HTRA4: variants seen among roughly 807,000 people sequenced by gnomAD.
HTRA4 encodes the protein HtrA serine peptidase 4, also known as serine protease HTRA4.
In HTRA4, 46 loss-of-function variants were observed where a neutral mutation model predicts 49.1. That is an observed-to-expected ratio of 0.94 (90% confidence interval 0.74 to 1.20). The LOEUF (loss-of-function observed/expected upper bound fraction) is 1.20. Ranked by LOEUF, HTRA4 falls within the 50% of genes most tolerant of loss-of-function variation. The probability of loss-of-function intolerance (pLI) is 0.00; values close to 1 mark genes in which losing one functional copy is unlikely to be tolerated. For missense variants in HTRA4, 602 were observed against 636.9 expected (o/e 0.95, Z 0.59); for synonymous variants, 261 against 264.0 (o/e 0.99, Z 0.11).
chr8:38,983,017 T>G lies in HTRA4; in HGVS notation c.1237T>G (p.Cys413Gly). 4 of 1,613,840 alleles carry G rather than the reference T, an allele frequency of 2.5e-6. No homozygotes were observed. Among genetic ancestry groups the G allele is most frequent in the Non-Finnish European group, 3.4e-6 (4 of 1,179,764 alleles). ...TGATGTGAGTTCTGGGGTTTATGTA[T>G]GTAAAGTGGTTGAAGGAACAGCTGC... ...FPDVSSGVYV[C>G]KVVEGTAAQS... The change falls in exon 8 of 9, where the codon TGT (cysteine) becomes GGT (glycine). Residue 413 changes from cysteine (C) to glycine (G), a missense_variant. Transcript: ENST00000302495.
In HTRA4 at chr8:38,987,917, T is replaced by C; in HGVS notation, c.1269-19T>C. 1.3e-6 allele frequency: 2 copies of C among 1,533,040 alleles called. No homozygotes were observed. The highest frequency in any genetic ancestry group is 1.7e-6 in the Non-Finnish European group (2 of 1,146,916). The allele number at this position is 1,533,040 out of a possible 1,614,324, so 95.0% of individuals were successfully genotyped here. On this transcript the variant is annotated intron_variant, in intron 8 of 8. Transcript: ENST00000302495. ...CTTGTTATAGTTTCATGATCCTCTT[T>C]TTTTTCTCCCTCTCTCAGCTCTGGA...
At chr8:38,978,384 C>A (rs1489238602) in intron 4 of HTRA4, among the ~76,000 whole-genome samples, 1 of 152,214 alleles carries the variant, frequency 6.6e-6, no homozygotes, top group Non-Finnish European at 1.5e-5. Context: ...GAATCTAACT[C>A]ATGCCCGATG....
At position 38,976,669 on chromosome 8, in the gene HTRA4, C is replaced by A. The variant is rs750219369; in HGVS notation, c.701C>A (p.Ala234Asp). 14 of 1,613,994 alleles carry A rather than the reference C, an allele frequency of 8.7e-6. No homozygotes were observed. The change falls in exon 3 of 9, where the codon GCC (alanine) becomes GAC (aspartate). Residue 234 changes from alanine (A) to aspartate (D), a missense_variant. Physicochemically the swap from Ala to Asp is moderately radical, Grantham distance 126. Coordinates refer to ENST00000302495, the MANE Select transcript of HTRA4 (RefSeq NM_153692.4). ...QWIEVVLQNG[A>D]RYEAVVKDID... ...ATTGAGGTGGTGCTCCAGAATGGGG[C>A]CCGTTATGAAGCTGTTGTCAAGGAT...
chr8:38,985,713 G>C (rs1044068920), intron 8 of HTRA4, among the ~76,000 whole-genome samples: 2 of 152,026 alleles, frequency 1.3e-5, no homozygotes, highest in Admixed American at 1.3e-4. Context: ...TATTTCTTTC[G>C]GCTAAGTCCT....
chr8:38,985,786 C>T (rs61401601), intron 8 of HTRA4, among the ~76,000 whole-genome samples: 4,322 of 152,246 alleles, frequency 0.028, 220 homozygotes, highest in African/African-American at 0.1. Context: ...GTTGGAAAGG[C>T]AGAATCCCAG....
chr8:38,987,550 A>G (rs1321128192), intron 8 of HTRA4, among the ~76,000 whole-genome samples: 1 of 152,144 alleles, frequency 6.6e-6, no homozygotes, highest in Non-Finnish European at 1.5e-5. Context: ...AGTGTCTGGG[A>G]GAAAACATAT....
Position 38,974,728 on chromosome 8 carries a change from AGGTGAGCCGCGGG to A in HTRA4, c.466+2_466+14del. On this transcript the variant is annotated splice_donor_variant and splice_donor_5th_base_variant and coding_sequence_variant and intron_variant, in exon 1 of 9. Transcript: ENST00000302495. LOFTEE classifies it high-confidence loss of function. ...TGCAGTGGGGGAACTGCGGGGATACAGGTGAGCCGCGGGGGCGCGCGCCCTCGGAACACTTTCT... is the reference window on the plus strand; with the variant it reads ...TGCAGTGGGGGAACTGCGGGGATACAGGCGCGCGCCCTCGGAACACTTTCT... The A allele has an allele frequency of 2.1e-6, 3 of 1,426,246 alleles. No homozygotes were observed. The highest frequency in any genetic ancestry group is 2.7e-6 in the Non-Finnish European group (3 of 1,098,328). The allele number at this position is 1,426,246 out of a possible 1,614,324, so 88.3% of individuals were successfully genotyped here.
intron 5 of HTRA4, among the ~76,000 whole-genome samples, chr8:38,981,029 A>G (rs1351479573): frequency 6.7e-6 from 1 of 150,018 alleles, no homozygotes; most frequent in Non-Finnish European, 1.5e-5. Context: ...TTTTAAAGTC[A>G]ATGTAACTTA....
chr8:38,985,531 C>T (rs1835473961), intron 8 of HTRA4, among the ~76,000 whole-genome samples: 1 of 152,136 alleles, frequency 6.6e-6, no homozygotes, highest in South Asian at 2.1e-4. Flanking sequence ...GATTATGGCA[C>T]CACTTTCACT....
intron 2 of HTRA4, 137 bp downstream of exon 2, chr8:38,975,267 T>C (rs1265371083): frequency 1.2e-6 from 1 of 828,538 alleles, no homozygotes; most frequent in Non-Finnish European, 1.9e-6. Context: ...TTGAATAACC[T>C]GTTCAAGGTC....
chr8:38,981,072 T>TGTTTTTTTTTG lies in HTRA4; in HGVS notation c.1000-581_1000-580insGTTTTTTTTTG, dbSNP rs771304048. Reference sequence around the variant, plus strand: ...AAAAAAATGAGCTTAAGTTTTTTTTTTTTTTTTTTTTTTTTTTTTTTTTTT... The same window carrying TGTTTTTTTTTG: ...AAAAAAATGAGCTTAAGTTTTTTTTTGTTTTTTTTTGTTTTTTTTTTTTTTTTTTTTTTTTT... On this transcript the variant is annotated intron_variant, in intron 5 of 8. Transcript: ENST00000302495. Among the ~76,000 whole-genome samples the TGTTTTTTTTTG allele has an allele frequency of 3.8e-4, 41 of 108,642 alleles. 3 individuals are homozygous for TGTTTTTTTTTG. Among genetic ancestry groups the TGTTTTTTTTTG allele is most frequent in the African/African-American group, 6.3e-4 (14 of 22,194 alleles). The allele number at this position is 108,642 out of a possible 152,430, so 71.3% of individuals were successfully genotyped here.
Position 38,988,398 on chromosome 8 carries a change from T to C in HTRA4, c.*300T>C, listed in dbSNP as rs947667284. The C allele has an allele frequency of 1.1e-4, 22 of 196,904 alleles. No homozygotes were observed. The highest frequency in any genetic ancestry group is 4.1e-5 in the Non-Finnish European group (4 of 98,334). 12.2% of individuals were successfully genotyped at this position (196,904 alleles called of 1,614,324 possible). ...CAGGAACAGAAAACCAAATACTGCA[T>C]GTTCTCACTTATAAGTGGGAGCTGA... On this transcript the variant is annotated 3_prime_UTR_variant, in exon 9 of 9. Transcript: ENST00000302495.
chr8:38,985,223 C>T (rs377293284), intron 8 of HTRA4, among the ~76,000 whole-genome samples: 1 of 141,258 alleles, frequency 7.1e-6, no homozygotes, highest in African/African-American at 2.6e-5. Flanking sequence ...TGCAGTGATG[C>T]GATCTCGGCT....
At chr8:38,976,803 T>A in intron 3 of HTRA4, 64 bp downstream of exon 3, 1 of 1,503,636 alleles carries the variant, frequency 6.7e-7, no homozygotes. Context: ...TTGCTGATAT[T>A]TTCTGCCCCA....
At chr8:38,982,408 TG>T in intron 6 of HTRA4, 89 bp from the exon 7 acceptor site, 3 of 1,122,978 alleles carry the variant, frequency 2.7e-6, no homozygotes, top group Non-Finnish European at 1.3e-6. Flanking sequence ...ACAGCTGTGA[TG>T]GCAAAGAGAT....
rs532459916 is a variant in HTRA4, at chr8:38,984,509, G to A, written c.1268+1461G>A. 2.1e-3 allele frequency among the ~76,000 whole-genome samples: 316 copies of A among 151,998 alleles called. 1 individual carries two copies. Among genetic ancestry groups the A allele is most frequent in the Non-Finnish European group, 2.4e-3 (162 of 67,956 alleles). On this transcript the variant is annotated intron_variant, in intron 8 of 8. Coordinates refer to ENST00000302495, the MANE Select transcript of HTRA4 (RefSeq NM_153692.4). ...CGCCTGTAATCCCAGTACTTTGGGAGGCCAAAGTGGGCAGATCACTTGAGG... is the reference window on the plus strand; with the variant it reads ...CGCCTGTAATCCCAGTACTTTGGGAAGCCAAAGTGGGCAGATCACTTGAGG...
intron 8 of HTRA4, among the ~76,000 whole-genome samples, chr8:38,985,504 G>T (rs1360410263): frequency 6.6e-6 from 1 of 152,098 alleles, no homozygotes; most frequent in East Asian, 1.9e-4. Flanking sequence ...TTTTTCAAGA[G>T]CTCAGTAATC....
chr8:38,981,127 C>A lies in HTRA4; in HGVS notation c.1000-526C>A, dbSNP rs1374993467. Among the ~76,000 whole-genome samples, 5 of 133,250 alleles carry A rather than the reference C, an allele frequency of 3.8e-5. 1 individual carries two copies. Among genetic ancestry groups the A allele is most frequent in the African/African-American group, 1.4e-4 (5 of 35,302 alleles). 87.4% of individuals were successfully genotyped at this position (133,250 alleles called of 152,430 possible). ...CGGAGTCTCGCTAGGTCGCCCAGGCCGGAGTGCAGTGGCGCGATCTCGGCT... is the reference window on the plus strand; with the variant it reads ...CGGAGTCTCGCTAGGTCGCCCAGGCAGGAGTGCAGTGGCGCGATCTCGGCT... On this transcript the variant is annotated intron_variant, in intron 5 of 8. Transcript: ENST00000302495.
At chr8:38,977,117 G>T (rs1319726669) in intron 3 of HTRA4, among the ~76,000 whole-genome samples, 1 of 152,010 alleles carries the variant, frequency 6.6e-6, no homozygotes, top group Non-Finnish European at 1.5e-5. Context: ...TGTACTTTTA[G>T]TAGAGACTGG....
Sources: gnomAD v4.1 joint callset for allele counts (sites outside exome capture counted in the v4.1 genomes callset) on GRCh38, gnomAD v4.1.1 for gene constraint, MANE v1.5 for transcripts, NCBI Gene and HGNC (gene_info 2026-07-23, HGNC 2026-07-21) for gene names.